SH3D19: variants seen among roughly 807,000 people sequenced by gnomAD.
The protein encoded by SH3D19 is SH3 domain containing 19.
A neutral mutation model predicts 112.1 loss-of-function variants in SH3D19; 58 were observed. That is an observed-to-expected ratio of 0.52 (90% CI 0.42 to 0.64). SH3D19 has a LOEUF of 0.64. Ranked by LOEUF, SH3D19 falls within the 30% of genes least tolerant of loss-of-function variation. SH3D19 has a pLI of 0.00. For missense variants in SH3D19, 1,090 were observed against 1,263.4 expected (o/e 0.86, Z 2.08); for synonymous variants, 391 against 448.5 (o/e 0.87, Z 1.62).
intron 1 of SH3D19, among the ~76,000 whole-genome samples, chr4:151,314,683 A>C (rs1364735738): frequency 1.3e-5 from 2 of 152,250 alleles, no homozygotes; most frequent in Non-Finnish European, 2.9e-5. Flanking sequence ...ACAGTGGCTT[A>C]AACAAGGTAG....
At chr4:151,140,990 C>T (rs1374924997) in intron 12 of SH3D19, 1 of 152,218 alleles carries the variant, frequency 6.6e-6, no homozygotes, top group Non-Finnish European at 1.5e-5. Context: ...TAACTTAAGA[C>T]TCTAATGGCT....
intron 1 of SH3D19, among the ~76,000 whole-genome samples, chr4:151,313,864 G>C (rs1729739449): frequency 6.6e-6 from 1 of 152,150 alleles, no homozygotes; most frequent in Non-Finnish European, 1.5e-5. Flanking sequence ...CATTTACATG[G>C]GTGATATGCT....
intron 2 of SH3D19, among the ~76,000 whole-genome samples, chr4:151,220,150 A>T (rs554380216): frequency 1.3e-5 from 2 of 152,192 alleles, no homozygotes; most frequent in Non-Finnish European, 2.9e-5. Flanking sequence ...TTTGCTGACA[A>T]AAGACTGTCT....
chr4:151,133,357 G>T, intron 15 of SH3D19, 121 bp from the exon 16 acceptor site: 1 of 770,268 alleles, frequency 1.3e-6, no homozygotes, highest in Non-Finnish European at 2.1e-6. Flanking sequence ...GGTATACTAG[G>T]CTAATTTGAA....
At chr4:151,263,792 TG>T (rs869240176) in intron 1 of SH3D19, among the ~76,000 whole-genome samples, 23 of 6,884 alleles carry the variant, frequency 3.3e-3, no homozygotes, top group African/African-American at 8.2e-3. Context: ...CTACAGTTTT[TG>T]TTGTTGTTGT....
chr4:151,144,434 A>G (rs954066661), intron 11 of SH3D19: 3 of 673,696 alleles, frequency 4.5e-6, no homozygotes, highest in Non-Finnish European at 5.3e-6. Flanking sequence ...CTCTAGATCA[A>G]TGGAGCCTGC....
At chr4:151,210,082 A>G (rs1765716163) in intron 2 of SH3D19, among the ~76,000 whole-genome samples, 1 of 152,178 alleles carries the variant, frequency 6.6e-6, no homozygotes, top group Non-Finnish European at 1.5e-5. Context: ...AGAATGTTAC[A>G]GAGGTAAGAA....
chr4:151,250,145 C>G (rs562382904), intron 1 of SH3D19, among the ~76,000 whole-genome samples: 11 of 152,186 alleles, frequency 7.2e-5, no homozygotes, highest in Non-Finnish European at 1.5e-4. Context: ...ACTTCCACAT[C>G]AAACAATTGC....
At chr4:151,274,386 C>T (rs1773435508) in intron 1 of SH3D19, among the ~76,000 whole-genome samples, 1 of 152,202 alleles carries the variant, frequency 6.6e-6, no homozygotes, top group Non-Finnish European at 1.5e-5. Context: ...ATTTCTGCAT[C>T]CCCATCTTCT....
intron 1 of SH3D19, chr4:151,277,194 T>C: frequency 6.7e-7 from 1 of 1,499,392 alleles, no homozygotes; most frequent in Non-Finnish European, 9.0e-7. Flanking sequence ...TGGCTGTGCC[T>C]TCACGCTGCT....
chr4:151,147,898 A>G (rs1329670442), intron 11 of SH3D19, 24 bp downstream of exon 11: 7 of 1,574,072 alleles, frequency 4.4e-6, no homozygotes, highest in Non-Finnish European at 6.0e-6. Flanking sequence ...CTTGACCACA[A>G]ACATTTTTAA....
intron 9 of SH3D19, among the ~76,000 whole-genome samples, chr4:151,152,755 C>T (rs775655128): frequency 2.4e-4 from 36 of 151,472 alleles, no homozygotes; most frequent in East Asian, 1.9e-3. Context: ...CTGACCTCAA[C>T]TGATCCACCT....
intron 10 of SH3D19, among the ~76,000 whole-genome samples, chr4:151,149,092 T>C (rs1257171769): frequency 5.3e-5 from 8 of 152,132 alleles, no homozygotes; most frequent in Non-Finnish European, 1.2e-4. Flanking sequence ...CTGATAGCAT[T>C]ACAGCCCTTT....
chr4:151,324,884 C>G (rs941132051), intron 1 of SH3D19, among the ~76,000 whole-genome samples: 1 of 150,542 alleles, frequency 6.6e-6, no homozygotes, highest in Non-Finnish European at 1.5e-5. Flanking sequence ...AGGCAAACCC[C>G]TCGGAAGGTG....
intron 1 of SH3D19, among the ~76,000 whole-genome samples, chr4:151,296,029 C>A (rs1401997259): frequency 1.2e-5 from 1 of 85,382 alleles, no homozygotes. Context: ...AGCAAGGCTC[C>A]GTCTCAAAAA....
At chr4:151,255,191 G>A (rs1263098699) in intron 1 of SH3D19, among the ~76,000 whole-genome samples, 3 of 151,160 alleles carry the variant, frequency 2.0e-5, no homozygotes, top group Non-Finnish European at 3.0e-5. Context: ...CTTCCCAGAT[G>A]GGGTGGCTGC....
At chr4:151,124,786 T>C (rs1748823302) in intron 19 of SH3D19, among the ~76,000 whole-genome samples, 1 of 152,144 alleles carries the variant, frequency 6.6e-6, no homozygotes, top group African/African-American at 2.4e-5. Flanking sequence ...CTGAAAGCAG[T>C]GCAGAATCCC....
At chr4:151,168,400 T>TTTC (rs111244732) in intron 7 of SH3D19, among the ~76,000 whole-genome samples, 10,281 of 58,270 alleles carry the variant, frequency 0.18, 1,020 homozygotes, top group African/African-American at 0.26. Flanking sequence ...GTAGCATTTC[T>TTTC]TTTTTTTTTT....
chr4:151,298,843 C>T (rs527893509), intron 1 of SH3D19, among the ~76,000 whole-genome samples: 4 of 152,148 alleles, frequency 2.6e-5, no homozygotes, highest in Non-Finnish European at 2.9e-5. Context: ...TGCCTCCCTA[C>T]GGAGGAAGAA....
Sources: gnomAD v4.1 joint callset for allele counts (sites outside exome capture counted in the v4.1 genomes callset) on GRCh38, gnomAD v4.1.1 for gene constraint, MANE v1.5 for transcripts, NCBI Gene and HGNC (gene_info 2026-07-23, HGNC 2026-07-21) for gene names.